THADA: variants seen among roughly 807,000 people sequenced by gnomAD.
THADA encodes the protein THADA armadillo repeat containing, also known as tRNA (32-2'-O)-methyltransferase regulator THADA.
Under a neutral mutation model 219.8 loss-of-function variants are expected in THADA, and 213 were observed. The observed-to-expected ratio is 0.97, with a 90% confidence interval of 0.87 to 1.09. The LOEUF is 1.09. THADA is among the 50% of genes least tolerant of loss of function. THADA has a pLI of 0.00. For missense variants in THADA, 2,956 were observed against 2,311.3 expected, an observed-to-expected ratio of 1.28 and a Z score of -5.72; for synonymous variants, 1,018 against 828.9, an observed-to-expected ratio of 1.23 and a Z score of -3.92.
rs181401654 is a variant in THADA, at chr2:43,516,437, T to C, written c.3375-7657A>G. Among the ~76,000 whole-genome samples, 747 of 152,266 alleles carry C rather than the reference T, an allele frequency of 4.9e-3. 5 individuals carry two copies. Among genetic ancestry groups the C allele is most frequent in the African/African-American group, 0.017 (717 of 41,550 alleles). On this transcript the variant is annotated intron_variant, in intron 22 of 37. Coordinates refer to ENST00000405975, the MANE Select transcript of THADA (RefSeq NM_022065.5). ...GTTTACCTGATGTTCCTTAAATACCTACCCTAAGCCCAAGCCTCTCAGGAC... is the reference window on the plus strand; with the variant it reads ...GTTTACCTGATGTTCCTTAAATACCCACCCTAAGCCCAAGCCTCTCAGGAC...
chr2:43,509,954 G>A (rs1690187676), intron 22 of THADA, among the ~76,000 whole-genome samples: 2 of 151,986 alleles, frequency 1.3e-5, no homozygotes, highest in Non-Finnish European at 2.9e-5. Flanking sequence ...ACCAAAACCA[G>A]CTATCAAAAC....
intron 8 of THADA, among the ~76,000 whole-genome samples, chr2:43,579,930 G>T (rs1700233193): frequency 6.6e-6 from 1 of 151,930 alleles, no homozygotes; most frequent in Admixed American, 6.6e-5. Context: ...TCAGTTACTT[G>T]CAGCTAAACA....
chr2:43,430,920 G>A (rs896136022), intron 26 of THADA, among the ~76,000 whole-genome samples: 4 of 152,198 alleles, frequency 2.6e-5, no homozygotes, highest in Admixed American at 2.6e-4. Context: ...TTTGGAGTAT[G>A]GTTATGAGAA....
Position 43,506,919 on chromosome 2 carries a change from A to G in THADA, c.3508-1184T>C, listed in dbSNP as rs1689746246. ...ACATACAAAAAATAGTTTGATTTAG[A>G]AGAAATTTCTCATAGTTTATTTAGG... is the stretch of plus-strand genomic sequence containing the variant. On this transcript the variant is annotated intron_variant, in intron 23 of 37. Coordinates refer to ENST00000405975, the MANE Select transcript of THADA (RefSeq NM_022065.5). Among the ~76,000 whole-genome samples, 3 of 152,216 alleles carry G rather than the reference A, an allele frequency of 2.0e-5. No homozygotes were observed. In the South Asian group the frequency reaches 6.2e-4, roughly 31 times the overall value.
chr2:43,290,725 G>C (rs944392014), intron 34 of THADA, among the ~76,000 whole-genome samples: 1 of 152,042 alleles, frequency 6.6e-6, no homozygotes, highest in African/African-American at 2.4e-5. Context: ...ACCACCATCA[G>C]TGTGGCTGTG....
intron 28 of THADA, among the ~76,000 whole-genome samples, chr2:43,425,762 C>A (rs746746112): frequency 1.4e-4 from 21 of 152,154 alleles, no homozygotes; most frequent in Admixed American, 8.5e-4. Context: ...GCTTACAGGA[C>A]ATTTTGCTTA....
At chr2:43,468,324 C>T (rs1439137178) in intron 26 of THADA, among the ~76,000 whole-genome samples, 1 of 152,108 alleles carries the variant, frequency 6.6e-6, no homozygotes, top group African/African-American at 2.4e-5. Flanking sequence ...TAGGTTTTTG[C>T]ACAAATATTA....
At chr2:43,497,759 C>T (rs968540689) in intron 25 of THADA, among the ~76,000 whole-genome samples, 2 of 152,122 alleles carry the variant, frequency 1.3e-5, no homozygotes, top group Non-Finnish European at 2.9e-5. Context: ...GTGGCATCCA[C>T]TTGTAGTCCC....
intron 26 of THADA, among the ~76,000 whole-genome samples, chr2:43,484,071 T>C (rs923682140): frequency 7.2e-5 from 11 of 152,110 alleles, no homozygotes; most frequent in African/African-American, 1.7e-4. Context: ...AGTAATGTTT[T>C]ATTTATTTAA....
At chr2:43,562,621 T>C (rs566553477) in intron 15 of THADA, 3 of 152,298 alleles carry the variant, frequency 2.0e-5, no homozygotes, top group African/African-American at 7.2e-5. Context: ...AGGTGTTCCC[T>C]TCTCTCCAAT....
intron 30 of THADA, among the ~76,000 whole-genome samples, chr2:43,328,147 T>C (rs1488146149): frequency 6.6e-6 from 1 of 152,206 alleles, no homozygotes; most frequent in African/African-American, 2.4e-5. Context: ...GTAACCATCA[T>C]ATGGCACTCT....
chr2:43,548,915 AC>A (rs1310184243), intron 20 of THADA, among the ~76,000 whole-genome samples: 1 of 152,100 alleles, frequency 6.6e-6, no homozygotes, highest in Non-Finnish European at 1.5e-5. Flanking sequence ...AGTGAGATGA[AC>A]CCGGTACCTC....
Position 43,400,341 on chromosome 2 carries a change from C to T in THADA, c.4059-2202G>A, listed in dbSNP as rs80061865. Among the ~76,000 whole-genome samples the T allele has an allele frequency of 5.6e-3, 854 of 151,320 alleles. 3 individuals are homozygous for T. Among genetic ancestry groups the T allele is most frequent in the South Asian group, 0.014 (67 of 4,788 alleles). Reference sequence around the variant, plus strand: ...TCTCCTCAAAAAAGTAATGCAATTACCAAAAAAGAAGCCAATTCTTGAAGT... The same window carrying T: ...TCTCCTCAAAAAAGTAATGCAATTATCAAAAAAGAAGCCAATTCTTGAAGT... On this transcript the variant is annotated intron_variant, in intron 28 of 37. Transcript: ENST00000405975.
intron 30 of THADA, among the ~76,000 whole-genome samples, chr2:43,341,971 G>A (rs570940095): frequency 4.0e-4 from 61 of 152,312 alleles, no homozygotes; most frequent in African/African-American, 1.4e-3. Context: ...AGCACTTTGG[G>A]AGGCCGACGC....
chr2:43,437,451 G>C (rs1033916329), intron 26 of THADA, among the ~76,000 whole-genome samples: 1 of 152,180 alleles, frequency 6.6e-6, no homozygotes, highest in Non-Finnish European at 1.5e-5. Flanking sequence ...CATAGTTGAT[G>C]TCAATACTGA....
At chr2:43,340,851 C>T (rs1666989234) in intron 30 of THADA, among the ~76,000 whole-genome samples, 1 of 152,040 alleles carries the variant, frequency 6.6e-6, no homozygotes, top group South Asian at 2.1e-4. Flanking sequence ...ACCGCTAGGA[C>T]GAGAGGGGGT....
At chr2:43,579,879 C>T (rs1700227550) in intron 8 of THADA, among the ~76,000 whole-genome samples, 1 of 152,090 alleles carries the variant, frequency 6.6e-6, no homozygotes, top group Admixed American at 6.6e-5. Context: ...TTCTGGATGA[C>T]CTGCCTCTGA....
chr2:43,306,677 A>G (rs1317119648), intron 31 of THADA, among the ~76,000 whole-genome samples: 1 of 152,184 alleles, frequency 6.6e-6, no homozygotes, highest in Admixed American at 6.5e-5. Flanking sequence ...GGTGCAGTAT[A>G]CAGCTGCTAG....
At chr2:43,466,215 T>A (rs1684217075) in intron 26 of THADA, among the ~76,000 whole-genome samples, 1 of 152,348 alleles carries the variant, frequency 6.6e-6, no homozygotes, top group Non-Finnish European at 1.5e-5. Context: ...ATATTTTAAA[T>A]GAGTAGTCAA....
Sources: gnomAD v4.1 joint callset for allele counts (sites outside exome capture counted in the v4.1 genomes callset) on GRCh38, gnomAD v4.1.1 for gene constraint, MANE v1.5 for transcripts, NCBI Gene and HGNC (gene_info 2026-07-23, HGNC 2026-07-21) for gene names.